PCDHGA1: variants seen among roughly 807,000 people sequenced by gnomAD.
PCDHGA1 encodes the protein protocadherin gamma subfamily A, 1.
A neutral mutation model predicts 58.0 loss-of-function variants in PCDHGA1; 32 were observed. The observed-to-expected ratio is 0.55, with a 90% CI of 0.42 to 0.74. PCDHGA1 has a LOEUF of 0.74. PCDHGA1 is among the 30% of genes least tolerant of loss of function. The pLI, the probability that PCDHGA1 is intolerant of heterozygous loss-of-function variation, is 0.00. For synonymous variants in PCDHGA1, 498 were observed against 501.1 expected (o/e 0.99, Z 0.08); for missense variants, 1,205 against 1,182.3 (o/e 1.02, Z -0.28).
At chr5:141,354,716 G>A (rs1292688880) in intron 1 of PCDHGA1, among the ~76,000 whole-genome samples, 1 of 152,180 alleles carries the variant, frequency 6.6e-6, no homozygotes, top group African/African-American at 2.4e-5. Context: ...AGAATGGGCT[G>A]TGGGGATGAA....
chr5:141,339,319 T>C, intron 1 of PCDHGA1: 1 of 1,614,250 alleles, frequency 6.2e-7, no homozygotes, highest in Non-Finnish European at 8.5e-7. Flanking sequence ...AATTGACTAT[T>C]TATTCAGTAG....
At chr5:141,426,678 T>C (rs2096951425) in intron 1 of PCDHGA1, 2 of 431,490 alleles carry the variant, frequency 4.6e-6, no homozygotes, top group Admixed American at 5.1e-5. Flanking sequence ...CCCACCTCAT[T>C]TTCCCCAAAA....
At position 141,485,789 on chromosome 5, in the gene PCDHGA1, T is replaced by G. The variant is rs1276069810; in HGVS notation, c.2422-9018T>G. The G allele has an allele frequency of 1.2e-6, 2 of 1,613,978 alleles. No individual in the cohort carries two copies. The highest frequency in any genetic ancestry group is 1.7e-6 in the Non-Finnish European group (2 of 1,180,030). On this transcript the variant is annotated intron_variant, in intron 1 of 3. Coordinates refer to ENST00000517417, the MANE Select transcript of PCDHGA1 (RefSeq NM_018912.3). This position sits in a 1 kb window ranked among gnomAD's most constrained non-coding sequence, Gnocchi z 5.7. ...GAAGCCTTTGGATCGAGAGAAGCAATCGGACTACCGCCTGGTGCTGACTGC... is the reference window on the plus strand; with the variant it reads ...GAAGCCTTTGGATCGAGAGAAGCAAGCGGACTACCGCCTGGTGCTGACTGC...
rs1421124374 is a variant in PCDHGA1, at chr5:141,431,186, A to G, written c.2422-63621A>G. The G allele has an allele frequency of 1.9e-6, 3 of 1,614,110 alleles. No individual in the cohort carries two copies. ...TGAAAGTGAATTAGAAATAAAAATT[A>G]GTGAAAATGCAGCCACTGAGATGCG... On this transcript the variant is annotated intron_variant, in intron 1 of 3. Transcript: ENST00000517417. This position sits in a 1 kb window ranked among gnomAD's most constrained non-coding sequence, Gnocchi z 4.8.
chr5:141,413,992 A>G (rs1437832303), intron 1 of PCDHGA1: 1 of 1,613,538 alleles, frequency 6.2e-7, no homozygotes, highest in Admixed American at 1.7e-5. Flanking sequence ...AGCCACCGAC[A>G]GGGACGAAGG....
chr5:141,381,820 C>CTTTCT (rs1279410534), intron 1 of PCDHGA1, among the ~76,000 whole-genome samples: 20 of 119,922 alleles, frequency 1.7e-4, no homozygotes, highest in African/African-American at 3.7e-4. Flanking sequence ...TTCTTTCTTT[C>CTTTCT]TTCTTCTTTT....
intron 1 of PCDHGA1, chr5:141,417,617 A>G (rs576281946): frequency 9.3e-6 from 6 of 646,206 alleles, no homozygotes; most frequent in African/African-American, 1.8e-5. Flanking sequence ...GCCAGTGCAG[A>G]GCAAGCGCTG....
At chr5:141,397,361 G>A (rs2093513931) in intron 1 of PCDHGA1, among the ~76,000 whole-genome samples, 1 of 152,164 alleles carries the variant, frequency 6.6e-6, no homozygotes. Flanking sequence ...TCAGGAAGAG[G>A]AGATGTTTGG....
intron 1 of PCDHGA1, among the ~76,000 whole-genome samples, chr5:141,450,047 C>T (rs2098667027): frequency 2.2e-5 from 3 of 136,836 alleles, no homozygotes; most frequent in African/African-American, 8.5e-5. Flanking sequence ...CACTCTTTCG[C>T]CCAGGCTGGA....
rs1464357405 is a variant in PCDHGA1 at position 141,476,385 on chromosome 5, A to G, written c.2422-18422A>G. On this transcript the variant is annotated intron_variant, in intron 1 of 3. Coordinates refer to ENST00000517417, the MANE Select transcript of PCDHGA1 (RefSeq NM_018912.3). The surrounding 1 kb of genome is among the most constrained non-coding windows in gnomAD (Gnocchi z 7.6). ...GAGACCGGAGAGATGTTTGTGAACG[A>G]CCGTCTGGATCGAGAGGAGCTGTGT... The G allele has an allele frequency of 4.3e-6, 7 of 1,614,062 alleles. No homozygotes were observed. The highest frequency in any genetic ancestry group is 5.9e-6 in the Non-Finnish European group (7 of 1,180,020).
chr5:141,360,433 C>T, intron 1 of PCDHGA1: 1 of 1,613,984 alleles, frequency 6.2e-7, no homozygotes, highest in Non-Finnish European at 8.5e-7. Context: ...CGGGAAGCAG[C>T]CTCTGTGTGT....
intron 1 of PCDHGA1, among the ~76,000 whole-genome samples, chr5:141,494,547 C>T (rs2099755185): frequency 6.6e-6 from 1 of 152,106 alleles, no homozygotes; most frequent in East Asian, 1.9e-4. Context: ...GAGGAAGGGG[C>T]CATTTCTTTA....
At position 141,433,110 on chromosome 5, in the gene PCDHGA1, G is replaced by A. The variant is rs1031253372; in HGVS notation, c.2422-61697G>A. On this transcript the variant is annotated intron_variant, in intron 1 of 3. Coordinates refer to ENST00000517417, the MANE Select transcript of PCDHGA1 (RefSeq NM_018912.3). Reference sequence around the variant, plus strand: ...GCAGACATGCTCGTCAGCCAGGAGAGCTTTGAAAAAAGCGAGCCCCTTTTG... The same window carrying A: ...GCAGACATGCTCGTCAGCCAGGAGAACTTTGAAAAAAGCGAGCCCCTTTTG... 3.1e-6 allele frequency: 5 copies of A among 1,613,982 alleles called. No homozygotes were observed. The African/African-American group carries it at 5.3e-5, about 17-fold the overall frequency.
chr5:141,371,111 C>T (rs748436182), intron 1 of PCDHGA1: 1 of 1,613,898 alleles, frequency 6.2e-7, no homozygotes, highest in African/African-American at 1.3e-5. Flanking sequence ...ATGATAACCC[C>T]CCAGTATTTA....
chr5:141,407,143 A>G (rs2154538062), intron 1 of PCDHGA1, among the ~76,000 whole-genome samples: 1 of 152,360 alleles, frequency 6.6e-6, no homozygotes, highest in East Asian at 1.9e-4. Flanking sequence ...AAGAAAAAAA[A>G]GCTGAAGTGT....
At chr5:141,369,877 C>T (rs1191397409) in intron 1 of PCDHGA1, among the ~76,000 whole-genome samples, 2 of 152,018 alleles carry the variant, frequency 1.3e-5, no homozygotes, top group Non-Finnish European at 2.9e-5. Flanking sequence ...CTAGAGTAAG[C>T]AGAGAAGATA....
intron 1 of PCDHGA1, chr5:141,350,384 G>A: frequency 6.3e-7 from 1 of 1,591,394 alleles, no homozygotes; most frequent in East Asian, 2.2e-5. Flanking sequence ...GCTAGCCAAC[G>A]GCTCACGGGT....
chr5:141,417,230 T>C (rs2096097492), intron 1 of PCDHGA1: 1 of 152,210 alleles, frequency 6.6e-6, no homozygotes, highest in Non-Finnish European at 1.5e-5. Context: ...AAAAAATTTG[T>C]TGCTTATCTT....
At chr5:141,376,334 C>A (rs11575955) in intron 1 of PCDHGA1, 21,352 of 1,614,178 alleles carry the variant, frequency 0.013, 167 homozygotes, top group Non-Finnish European at 0.016. Flanking sequence ...GGCTTTCCTG[C>A]AGACCTATTC....
Sources: allele counts gnomAD v4.1 joint callset (sites outside exome capture counted in the v4.1 genomes callset), GRCh38; gene constraint gnomAD v4.1.1; non-coding constraint Gnocchi (gnomAD v3.1); transcripts MANE v1.5; gene names NCBI Gene and HGNC (gene_info 2026-07-23, HGNC 2026-07-21).